KHDRBS2: variants seen among roughly 807,000 people sequenced by gnomAD.
KHDRBS2 encodes the protein KH RNA binding domain containing, signal transduction associated 2.
Under a neutral mutation model 44.3 loss-of-function variants are expected in KHDRBS2, and 26 were observed. The observed-to-expected ratio is 0.59, with a 90% confidence interval of 0.43 to 0.81. KHDRBS2 has a LOEUF of 0.81. Among genes scored for constraint, KHDRBS2 ranks in the 40% least tolerant of loss-of-function variants. The pLI is 0.00. For missense variants in KHDRBS2, 476 were observed against 433.1 expected, an observed-to-expected ratio of 1.10 and a Z score of -0.88; for synonymous variants, 194 against 151.1, an observed-to-expected ratio of 1.28 and a Z score of -2.08.
chr6:61,560,059 A>G, the KHDRBS2 span, among the ~76,000 whole-genome samples: 1 of 152,142 alleles, frequency 6.6e-6, no homozygotes, highest in Non-Finnish European at 1.5e-5. Context: ...TCATGTTTGA[A>G]GTATATTTTG....
chr6:61,867,999 G>C (rs895364007), intron 6 of KHDRBS2, among the ~76,000 whole-genome samples: 1 of 152,172 alleles, frequency 6.6e-6, no homozygotes, highest in Non-Finnish European at 1.5e-5. Context: ...TATGTTGGGG[G>C]ATCCCTTCAG....
At chr6:61,955,392 G>A (rs1562519078) in intron 4 of KHDRBS2, among the ~76,000 whole-genome samples, 8 of 86,596 alleles carry the variant, frequency 9.2e-5, no homozygotes, top group African/African-American at 4.2e-4. Flanking sequence ...ACATACGTAT[G>A]TGTATGTATA....
At chr6:61,867,518 G>A (rs186996327) in intron 6 of KHDRBS2, among the ~76,000 whole-genome samples, 207 of 152,296 alleles carry the variant, frequency 1.4e-3, no homozygotes, top group African/African-American at 4.7e-3. Context: ...GTCATTTGGA[G>A]GGAAGGCGGC....
intron 3 of KHDRBS2, among the ~76,000 whole-genome samples, chr6:61,991,564 T>C (rs1351209542): frequency 2.0e-5 from 3 of 152,234 alleles, no homozygotes; most frequent in Non-Finnish European, 4.4e-5. Context: ...CAGTAGATAT[T>C]GCCAGAATCA....
At chr6:61,575,053 G>C in the KHDRBS2 span, among the ~76,000 whole-genome samples, 1 of 152,174 alleles carries the variant, frequency 6.6e-6, no homozygotes, top group Non-Finnish European at 1.5e-5. Context: ...ATTGGCTTAT[G>C]CCAAGAGTTC....
At chr6:62,159,419 T>C (rs556375164) in intron 2 of KHDRBS2, among the ~76,000 whole-genome samples, 1 of 152,288 alleles carries the variant, frequency 6.6e-6, no homozygotes, top group East Asian at 1.9e-4. Context: ...GTACTCATGA[T>C]GTCACTGCTG....
At chr6:62,019,993 T>A (rs1245882292) in intron 3 of KHDRBS2, among the ~76,000 whole-genome samples, 6 of 151,876 alleles carry the variant, frequency 4.0e-5, no homozygotes, top group African/African-American at 1.4e-4. Flanking sequence ...CTTTTCCTAA[T>A]TTTAAGGTGG....
chr6:61,982,866 T>C (rs1209768967), intron 3 of KHDRBS2, among the ~76,000 whole-genome samples: 1 of 152,182 alleles, frequency 6.6e-6, no homozygotes, highest in Non-Finnish European at 1.5e-5. Context: ...GGTTCTTTAA[T>C]GTCCTGTTTT....
At chr6:61,782,773 G>T (rs1446707273) in intron 6 of KHDRBS2, among the ~76,000 whole-genome samples, 1 of 139,150 alleles carries the variant, frequency 7.2e-6, no homozygotes, top group Admixed American at 7.4e-5. Flanking sequence ...ATACATATAT[G>T]TCTGTATGTG....
At chr6:61,631,761 T>A in the KHDRBS2 span, among the ~76,000 whole-genome samples, 1 of 152,078 alleles carries the variant, frequency 6.6e-6, no homozygotes, top group East Asian at 1.9e-4. Context: ...TGTAGGGCAA[T>A]GGAAACCTGA....
At chr6:61,902,479 T>C (rs1804235877) in intron 4 of KHDRBS2, among the ~76,000 whole-genome samples, 1 of 151,392 alleles carries the variant, frequency 6.6e-6, no homozygotes, top group Non-Finnish European at 1.5e-5. Context: ...CAAGTGCCAG[T>C]ATCACCTGTT....
chr6:61,647,148 A>T, the KHDRBS2 span, among the ~76,000 whole-genome samples: 1 of 152,114 alleles, frequency 6.6e-6, no homozygotes, highest in Non-Finnish European at 1.5e-5. Context: ...TATGCAATTG[A>T]TCTTTATCGT....
At chr6:62,230,125 T>C (rs1832662054) in intron 1 of KHDRBS2, among the ~76,000 whole-genome samples, 1 of 152,222 alleles carries the variant, frequency 6.6e-6, no homozygotes, top group Non-Finnish European at 1.5e-5. Context: ...TAATATGTAG[T>C]ACACACACCT....
chr6:62,102,431 T>C (rs1316471943), intron 2 of KHDRBS2, among the ~76,000 whole-genome samples: 1 of 152,122 alleles, frequency 6.6e-6, no homozygotes, highest in Non-Finnish European at 1.5e-5. Flanking sequence ...ACACCAGGGA[T>C]TGCAGAGCCC....
At chr6:61,876,789 C>T (rs1799470520) in intron 6 of KHDRBS2, among the ~76,000 whole-genome samples, 1 of 152,072 alleles carries the variant, frequency 6.6e-6, no homozygotes, top group Non-Finnish European at 1.5e-5. Context: ...TTTCATCCCA[C>T]CTCTGTGTCA....
intron 6 of KHDRBS2, among the ~76,000 whole-genome samples, chr6:61,823,262 C>G (rs762317803): frequency 3.9e-5 from 6 of 151,974 alleles, no homozygotes; most frequent in Non-Finnish European, 7.4e-5. Context: ...AAGGTTTTCC[C>G]CAGATCATCA....
chr6:61,738,662 C>T lies in KHDRBS2; in HGVS notation c.811-5898G>A, dbSNP rs765334949. Among the ~76,000 whole-genome samples the T allele has an allele frequency of 1.6e-4, 24 of 152,034 alleles. 1 individual carries two copies. Among genetic ancestry groups the T allele is most frequent in the Admixed American group, 7.9e-4 (12 of 15,250 alleles). On this transcript the variant is annotated intron_variant, in intron 6 of 8. Coordinates refer to ENST00000281156, the MANE Select transcript of KHDRBS2 (RefSeq NM_152688.4). ...GGCAAAGCAACATACAGGACAAATA[C>T]GTGTGTGTTACCATAAACACATATG... is the stretch of plus-strand genomic sequence containing the variant.
intron 2 of KHDRBS2, among the ~76,000 whole-genome samples, chr6:62,171,609 C>T (rs965958342): frequency 4.6e-5 from 7 of 151,834 alleles, no homozygotes; most frequent in Non-Finnish European, 1.0e-4. Flanking sequence ...TAGAAGATGA[C>T]CATCCCCAAG....
intron 2 of KHDRBS2, among the ~76,000 whole-genome samples, chr6:62,112,511 T>A (rs1805245136): frequency 6.6e-6 from 1 of 152,072 alleles, no homozygotes. Flanking sequence ...CCACTAGGAT[T>A]TACACACCAG....
Sources: gnomAD v4.1 joint callset for allele counts (sites outside exome capture counted in the v4.1 genomes callset) on GRCh38, gnomAD v4.1.1 for gene constraint, MANE v1.5 for transcripts, NCBI Gene and HGNC (gene_info 2026-07-23, HGNC 2026-07-21) for gene names.